The following TSC2 variants were observed in gnomAD, a reference collection of about 807,000 sequenced individuals.
The protein encoded by TSC2 is TSC complex subunit 2.
Under a neutral mutation model 202.2 loss-of-function variants are expected in TSC2, and 29 were observed. The observed-to-expected ratio is 0.14, with a 90% CI of 0.11 to 0.20. The LOEUF is 0.20. TSC2 is among the 10% of genes least tolerant of loss of function. The probability of loss-of-function intolerance (pLI) is 1.00; values close to 1 mark genes in which losing one functional copy is unlikely to be tolerated. For synonymous variants in TSC2, 1,349 were observed against 1,044.0 expected, an observed-to-expected ratio of 1.29 and a Z score of -5.63; for missense variants, 2,429 against 2,420.0, an observed-to-expected ratio of 1.00 and a Z score of -0.08.
chr16:2,081,390 C>T (rs954603732), intron 30 of TSC2: 11 of 669,432 alleles, frequency 1.6e-5, no homozygotes, highest in African/African-American at 9.0e-5. Context: ...AGGTGCCTGG[C>T]GGAGCCTGGC....
chr16:2,074,606 G>T, intron 22 of TSC2: 1 of 619,960 alleles, frequency 1.6e-6, no homozygotes, highest in South Asian at 1.9e-5. Context: ...CCATGTGAAC[G>T]CTCCTCCTTG....
At position 2,088,530 on chromosome 16, in the gene TSC2, G is replaced by T. The variant is rs1405712076; in HGVS notation, c.5344G>T (p.Ala1782Ser). Reference protein sequence around the residue: ...SHSKAPAQTPAEPTPGYEVGQ... With the variant: ...SHSKAPAQTPSEPTPGYEVGQ... ...TAGCAAAGCCCCTGCACAGACTCCA[G>T]CCGAGCCCACACCTGGCTATGAGGT... is the stretch of plus-strand genomic sequence containing the variant. Residue 1782 changes from alanine to serine, a missense_variant, in exon 42 of 42, where the codon GCC (alanine) becomes TCC (serine). By Grantham distance (99) the Ala-to-Ser change is moderately conservative (BLOSUM62 1). Coordinates refer to ENST00000219476, the MANE Select transcript of TSC2 (RefSeq NM_000548.5). 9.9e-6 allele frequency: 16 copies of T among 1,612,220 alleles called. No homozygotes were observed. The highest frequency in any genetic ancestry group is 1.4e-5 in the Non-Finnish European group (16 of 1,179,894).
At position 2,084,445 on chromosome 16, in the gene TSC2, G is replaced by T. The variant is rs202068995; in HGVS notation, c.4223G>T (p.Gly1408Val). ...LGDPGDKADVGRLSPEVKARS... is the reference protein window; with the variant it reads ...LGDPGDKADVVRLSPEVKARS... ...GACCCTGGGGACAAGGCCGACGTGG[G>T]CCGGCTGAGCCCTGAGGTTAAGGCC... is the stretch of plus-strand genomic sequence containing the variant. Residue 1408 changes from glycine (G) to valine (V), a missense_variant, in exon 34 of 42, where the codon GGC becomes GTC. Coordinates refer to ENST00000219476, the MANE Select transcript of TSC2 (RefSeq NM_000548.5). 122 of 1,609,028 alleles carry T rather than the reference G, an allele frequency of 7.6e-5. No homozygotes were observed. The highest frequency in any genetic ancestry group is 8.1e-5 in the Non-Finnish European group (96 of 1,178,536).
At chr16:2,074,100 C>A in intron 21 of TSC2, 100 bp from the exon 22 acceptor site, 1 of 1,499,402 alleles carries the variant, frequency 6.7e-7, no homozygotes, top group Non-Finnish European at 9.1e-7. Context: ...CTTGCTAAGC[C>A]TCGGCTGTTC....
chr16:2,050,598 C>CTTTTT (rs554452830), intron 3 of TSC2, 112 bp downstream of exon 3: 10 of 477,116 alleles, frequency 2.1e-5, no homozygotes, highest in Non-Finnish European at 2.5e-5. Context: ...CTGGTTTGCA[C>CTTTTT]TTTTTTTTTT....
intron 16 of TSC2, 69 bp from the exon 17 acceptor site, chr16:2,070,387 A>G: frequency 6.2e-7 from 1 of 1,612,612 alleles, no homozygotes; most frequent in Non-Finnish European, 8.5e-7. Context: ...CTGCTCCGGG[A>G]CAAGGGTGCT....
Position 2,088,643 on chromosome 16 carries a change from A to C in TSC2, c.*33A>C, listed in dbSNP as rs1287154411. The C allele has an allele frequency of 4.4e-6, 7 of 1,587,580 alleles. No homozygotes were observed. Among genetic ancestry groups the C allele is most frequent in the Non-Finnish European group, 6.0e-6 (7 of 1,174,286 alleles). On this transcript the variant is annotated 3_prime_UTR_variant, in exon 42 of 42. Transcript: ENST00000219476. ...GCCCTCCCTCCTGCACTGGCCTTGG[A>C]CGGTATTGCCTGTCAGTGAAATAAA...
At chr16:2,077,051 T>C (rs1015285322) in intron 25 of TSC2, among the ~76,000 whole-genome samples, 1 of 152,274 alleles carries the variant, frequency 6.6e-6, no homozygotes, top group African/African-American at 2.4e-5. Flanking sequence ...TATTTTGGCT[T>C]TCCCTAGATG....
At position 2,065,664 on chromosome 16, in the gene TSC2, C is replaced by G. The variant is rs1327705446; in HGVS notation, c.1716+29C>G. The G allele has an allele frequency of 2.5e-6, 4 of 1,593,216 alleles. No homozygotes were observed. The Admixed American group carries it at 6.7e-5, about 27-fold the overall frequency. ...GGTGTTCTGCACGAGGCCTCTGCTC[C>G]CGGGGCGCGCATGGCTAGCGTCCAC... On this transcript the variant is annotated intron_variant, in intron 16 of 41. Coordinates refer to ENST00000219476, the MANE Select transcript of TSC2 (RefSeq NM_000548.5).
chr16:2,067,207 G>A (rs1055423974), intron 16 of TSC2, among the ~76,000 whole-genome samples: 2 of 151,878 alleles, frequency 1.3e-5, no homozygotes, highest in African/African-American at 2.4e-5. Context: ...CGCCCAGGCT[G>A]GGGTGCAGTG....
At chr16:2,087,748 G>A (rs913505343) in intron 38 of TSC2, 115 bp from the exon 39 acceptor site, 29 of 1,305,714 alleles carry the variant, frequency 2.2e-5, no homozygotes, top group Middle Eastern at 2.2e-4. Context: ...GAAAGTTCAG[G>A]GGCAGATGCT....
At chr16:2,075,567 T>C (rs1267236788) in intron 22 of TSC2, among the ~76,000 whole-genome samples, 1 of 149,854 alleles carries the variant, frequency 6.7e-6, no homozygotes, top group Non-Finnish European at 1.5e-5. Flanking sequence ...CGGAAGCCTT[T>C]CCTCACGGAT....
chr16:2,055,133 C>T (rs199664387), intron 5 of TSC2: 12 of 537,058 alleles, frequency 2.2e-5, no homozygotes, highest in South Asian at 3.9e-5. Context: ...CCTGAGTGTA[C>T]GGCATACACA....
intron 11 of TSC2, chr16:2,061,235 A>G (rs1267695566): frequency 9.5e-6 from 3 of 317,290 alleles, no homozygotes; most frequent in African/African-American, 2.1e-5. Flanking sequence ...GCTCATCAGC[A>G]TAGGGGCCCT....
intron 17 of TSC2, 98 bp downstream of exon 17, chr16:2,070,676 G>C (rs1163096291): frequency 3.2e-6 from 5 of 1,575,068 alleles, no homozygotes; most frequent in Non-Finnish European, 2.6e-6. Context: ...GACGGCCCCA[G>C]GATGGGGCCT....
chr16:2,081,572 C>G (rs763418082), intron 30 of TSC2, 23 bp from the exon 31 acceptor site: 2 of 1,612,802 alleles, frequency 1.2e-6, no homozygotes. Flanking sequence ...GGCCTCAGGC[C>G]AAAGGTGCTG....
chr16:2,071,294 G>C, intron 17 of TSC2: 1 of 620,438 alleles, frequency 1.6e-6, no homozygotes, highest in Admixed American at 2.3e-5. Flanking sequence ...GGCTCTGTGA[G>C]CTCCGAGGCA....
intron 9 of TSC2, 46 bp downstream of exon 9, chr16:2,057,224 C>T (rs1435892034): frequency 4.5e-6 from 7 of 1,548,554 alleles, no homozygotes; most frequent in Non-Finnish European, 6.1e-6. Flanking sequence ...CCAGCACAGC[C>T]CTCGGGGCAG....
chr16:2,049,953 C>CTT (rs34020463), intron 2 of TSC2, among the ~76,000 whole-genome samples: 85 of 135,454 alleles, frequency 6.3e-4, no homozygotes, highest in African/African-American at 1.4e-3. Context: ...CTCAGTAAAT[C>CTT]TTTTTTTTTT....
Sources: allele counts gnomAD v4.1 joint callset (sites outside exome capture counted in the v4.1 genomes callset), GRCh38; gene constraint gnomAD v4.1.1; transcripts MANE v1.5; gene names NCBI Gene and HGNC (gene_info 2026-07-23, HGNC 2026-07-21).